The following ANKRD31 variants were observed in gnomAD, a reference collection of about 807,000 sequenced individuals.
The protein encoded by ANKRD31 is ankyrin repeat domain 31.
Under a neutral mutation model 186.0 loss-of-function variants are expected in ANKRD31, and 147 were observed. That is an observed-to-expected ratio of 0.79 (90% CI 0.69 to 0.91). ANKRD31 has a LOEUF of 0.91. Among genes scored for constraint, ANKRD31 ranks in the 40% least tolerant of loss-of-function variants. ANKRD31 has a pLI of 0.00. For missense variants in ANKRD31, 1,986 were observed against 2,148.8 expected (o/e 0.92, Z 1.50); for synonymous variants, 673 against 736.4 (o/e 0.91, Z 1.39).
chr5:75,133,759 T>C (rs12385687), intron 17 of ANKRD31, among the ~76,000 whole-genome samples: 7 of 152,204 alleles, frequency 4.6e-5, no homozygotes, highest in African/African-American at 1.7e-4. Flanking sequence ...GACCACATAG[T>C]TGGAAGTAAA....
At chr5:75,109,398 A>G (rs1421029766) in intron 20 of ANKRD31, among the ~76,000 whole-genome samples, 3 of 152,232 alleles carry the variant, frequency 2.0e-5, no homozygotes, top group African/African-American at 4.8e-5. Context: ...GATCAAAGCT[A>G]TCACAAGTGT....
chr5:75,154,273 C>T lies in ANKRD31; in HGVS notation c.1780G>A (p.Glu594Lys). 4 of 1,535,772 alleles carry T rather than the reference C, an allele frequency of 2.6e-6. No individual in the cohort carries two copies. The highest frequency in any genetic ancestry group is 1.2e-5 in the South Asian group (1 of 83,868). ...RNDDGKCALD[E>K]AKDLCMKRLL... ...CGCTTCATACATAAATCCTTGGCCTCATCCAAAGCACATTTTCCATCATCA... is the reference window on the plus strand; with the variant it reads ...CGCTTCATACATAAATCCTTGGCCTTATCCAAAGCACATTTTCCATCATCA... Residue 594 changes from glutamate (E) to lysine (K), a missense_variant, in exon 12 of 26, where the codon GAG (glutamate) becomes AAG (lysine). Physicochemically the swap from Glu to Lys is moderately conservative, Grantham distance 56. Transcript: ENST00000506364.
At chr5:75,207,124 T>TA (rs1048489346) in intron 4 of ANKRD31, among the ~76,000 whole-genome samples, 14 of 151,068 alleles carry the variant, frequency 9.3e-5, no homozygotes, top group Non-Finnish European at 1.3e-4. Context: ...TACCTTCCTT[T>TA]AAAAAAAAAG....
chr5:75,226,935 T>C (rs1378416545), intron 2 of ANKRD31, among the ~76,000 whole-genome samples: 1 of 151,930 alleles, frequency 6.6e-6, no homozygotes, highest in Non-Finnish European at 1.5e-5. Flanking sequence ...GGATTTTCCT[T>C]TCCAAAAGAA....
chr5:75,230,866 T>C (rs1757907636), intron 1 of ANKRD31, among the ~76,000 whole-genome samples: 1 of 152,186 alleles, frequency 6.6e-6, no homozygotes, highest in Non-Finnish European at 1.5e-5. Context: ...GTTATTATTT[T>C]TTAATATTTG....
At chr5:75,121,936 A>G (rs1748825816) in intron 17 of ANKRD31, among the ~76,000 whole-genome samples, 1 of 152,120 alleles carries the variant, frequency 6.6e-6, no homozygotes, top group South Asian at 2.1e-4. Context: ...CAAAGCTAGC[A>G]GAAGAAAAGA....
chr5:75,077,200 C>T (rs1744713185), intron 25 of ANKRD31, among the ~76,000 whole-genome samples: 1 of 152,164 alleles, frequency 6.6e-6, no homozygotes, highest in Admixed American at 6.5e-5. Flanking sequence ...TCCCAAGTAG[C>T]TAGGACCACA....
At position 75,199,642 on chromosome 5, in the gene ANKRD31, G is replaced by A; in HGVS notation, c.436C>T (p.His146Tyr). ...TTATACAGACCAACCTTTTCTATGT[G>A]TGGCAAAACTTCAGGACTTTCAGCC... ...PEAESPEVLP[H>Y]IEKELSEGRD... Residue 146 changes from histidine (H) to tyrosine (Y), a missense_variant, in exon 6 of 26, where the codon CAC becomes TAC. Physicochemically the swap from His to Tyr is moderately conservative, Grantham distance 83. Transcript: ENST00000506364. 1 of 1,532,034 alleles carries A rather than the reference G, an allele frequency of 6.5e-7. No individual in the cohort carries two copies. The highest frequency in any genetic ancestry group is 8.7e-7 in the Non-Finnish European group (1 of 1,144,032). 94.9% of individuals were successfully genotyped at this position (1,532,034 alleles called of 1,614,324 possible).
At chr5:75,103,549 T>G (rs981480437) in intron 22 of ANKRD31, among the ~76,000 whole-genome samples, 1 of 152,166 alleles carries the variant, frequency 6.6e-6, no homozygotes, top group Non-Finnish European at 1.5e-5. Flanking sequence ...TACATGCACA[T>G]GTATGTTCAC....
intron 25 of ANKRD31, among the ~76,000 whole-genome samples, chr5:75,069,826 T>C (rs1465824024): frequency 6.6e-6 from 1 of 152,158 alleles, no homozygotes. Flanking sequence ...GAGATTTTTA[T>C]TGGGTATTTT....
intron 11 of ANKRD31, among the ~76,000 whole-genome samples, chr5:75,158,661 G>A (rs1227384575): frequency 6.6e-6 from 1 of 152,058 alleles, no homozygotes; most frequent in Non-Finnish European, 1.5e-5. Context: ...GTGTGGTGGT[G>A]CATGCCTATT....
At chr5:75,178,257 A>C (rs1233356939) in intron 10 of ANKRD31, among the ~76,000 whole-genome samples, 1 of 152,212 alleles carries the variant, frequency 6.6e-6, no homozygotes, top group Non-Finnish European at 1.5e-5. Context: ...ACCTACAAAG[A>C]GACTTAGACT....
intron 24 of ANKRD31, among the ~76,000 whole-genome samples, chr5:75,083,048 A>G (rs528123295): frequency 1.2e-4 from 18 of 152,324 alleles, no homozygotes; most frequent in African/African-American, 4.1e-4. Flanking sequence ...GATTTTTTCA[A>G]ATTTTGGAAT....
intron 3 of ANKRD31, among the ~76,000 whole-genome samples, chr5:75,216,674 A>C (rs1186507229): frequency 6.6e-6 from 1 of 152,126 alleles, no homozygotes; most frequent in African/African-American, 2.4e-5. Context: ...GTAGACCTTC[A>C]CATTAACTTT....
intron 22 of ANKRD31, among the ~76,000 whole-genome samples, chr5:75,101,601 A>C (rs1276623962): frequency 6.6e-6 from 1 of 152,090 alleles, no homozygotes; most frequent in Non-Finnish European, 1.5e-5. Context: ...ATATAGTCCC[A>C]TAGTTCTTGG....
chr5:75,149,577 G>A (rs527865236), intron 12 of ANKRD31, among the ~76,000 whole-genome samples: 1 of 151,838 alleles, frequency 6.6e-6, no homozygotes, highest in East Asian at 1.9e-4. Context: ...ACCGTCTCTG[G>A]GGACTCAATC....
chr5:75,176,425 A>T (rs1753805066), intron 10 of ANKRD31, among the ~76,000 whole-genome samples: 1 of 152,232 alleles, frequency 6.6e-6, no homozygotes, highest in Non-Finnish European at 1.5e-5. Flanking sequence ...GAGAAAGAGC[A>T]GACTGCCTCT....
chr5:75,068,405 T>G lies in ANKRD31; in HGVS notation c.*114A>C. The G allele has an allele frequency of 1.0e-6, 1 of 972,084 alleles. No homozygotes were observed. Among genetic ancestry groups the G allele is most frequent in the Non-Finnish European group, 1.4e-6 (1 of 714,766 alleles). The allele number at this position is 972,084 out of a possible 1,614,324, so 60.2% of individuals were successfully genotyped here. A position where few individuals can be genotyped will look rare whatever the true frequency, so the allele number is the denominator to read the frequency against. ...AAGAACAGTAAACATACATCCTAAATAGCAACTCATAAAGTGTATGTTAAA... is the reference window on the plus strand; with the variant it reads ...AAGAACAGTAAACATACATCCTAAAGAGCAACTCATAAAGTGTATGTTAAA... On this transcript the variant is annotated 3_prime_UTR_variant, in exon 26 of 26. Transcript: ENST00000506364.
intron 10 of ANKRD31, among the ~76,000 whole-genome samples, chr5:75,181,439 C>T (rs1316004294): frequency 3.3e-5 from 5 of 152,030 alleles, no homozygotes; most frequent in South Asian, 4.2e-4. Flanking sequence ...TGCACACGTA[C>T]GTTTATTGCG....
Sources: gnomAD v4.1 joint callset for allele counts (sites outside exome capture counted in the v4.1 genomes callset) on GRCh38, gnomAD v4.1.1 for gene constraint, MANE v1.5 for transcripts, NCBI Gene and HGNC (gene_info 2026-07-23, HGNC 2026-07-21) for gene names.